LGSN: variants seen among roughly 807,000 people sequenced by gnomAD.
LGSN encodes the protein lengsin, lens protein with glutamine synthetase domain.
Under a neutral mutation model 19.5 loss-of-function variants are expected in LGSN, and 21 were observed. The observed-to-expected ratio is 1.07, with a 90% CI of 0.76 to 1.55. The LOEUF (loss-of-function observed/expected upper bound fraction) is 1.55, where lower values mean the gene tolerates loss of function less well. Among genes scored for constraint, LGSN ranks in the 40% most tolerant of loss-of-function variants. The pLI, the probability that LGSN is intolerant of heterozygous loss-of-function variation, is 0.00. For missense variants in LGSN, 673 were observed against 608.5 expected (o/e 1.11, Z -1.12); for synonymous variants, 257 against 215.6 (o/e 1.19, Z -1.68).
chr6:63,335,196 G>A, the LGSN span, among the ~76,000 whole-genome samples: 10 of 151,196 alleles, frequency 6.6e-5, no homozygotes, highest in Admixed American at 1.3e-4. Flanking sequence ...TTGATAGTTG[G>A]TGCTGGGAAA....
chr6:63,340,978 G>A, the LGSN span, among the ~76,000 whole-genome samples: 1 of 152,210 alleles, frequency 6.6e-6, no homozygotes, highest in African/African-American at 2.4e-5. Flanking sequence ...AGCATTGGTT[G>A]TGTAGTGTGC....
Position 63,280,810 on chromosome 6 carries a change from C to A in LGSN, c.741G>T (p.Leu247Phe). 6.2e-7 allele frequency: 1 copy of A among 1,614,006 alleles called. No individual in the cohort carries two copies. The highest frequency in any genetic ancestry group is 8.5e-7 in the Non-Finnish European group (1 of 1,179,946). Residue 247 changes from leucine to phenylalanine, a missense_variant, in exon 4 of 4, where the codon TTG becomes TTT. By Grantham distance (22) the Leu-to-Phe change is conservative. Coordinates refer to ENST00000370657, the MANE Select transcript of LGSN (RefSeq NM_016571.3). ...QPFMQELVDG[L>F]YHTGANVESF... ...TCTCGACATTGGCTCCAGTGTGATA[C>A]AAGCCATCAACAAGTTCCTGCATGA...
At chr6:63,347,794 CTAA>C in the LGSN span, among the ~76,000 whole-genome samples, 1 of 152,184 alleles carries the variant, frequency 6.6e-6, no homozygotes, top group African/African-American at 2.4e-5. Flanking sequence ...CTCACAATGA[CTAA>C]TGTTTCTGCA....
the LGSN span, among the ~76,000 whole-genome samples, chr6:63,402,818 A>G: frequency 6.6e-6 from 1 of 152,080 alleles, no homozygotes; most frequent in Non-Finnish European, 1.5e-5. Flanking sequence ...ATTAACATTT[A>G]AATAAGTAGA....
At chr6:63,558,872 G>C in the LGSN span, among the ~76,000 whole-genome samples, 1 of 152,210 alleles carries the variant, frequency 6.6e-6, no homozygotes, top group Non-Finnish European at 1.5e-5. Flanking sequence ...GATATGGAAT[G>C]AGTTGCCTCA....
At chr6:63,420,277 G>C in the LGSN span, among the ~76,000 whole-genome samples, 1 of 152,044 alleles carries the variant, frequency 6.6e-6, no homozygotes, top group Non-Finnish European at 1.5e-5. Flanking sequence ...GGCCCCCTGG[G>C]CCCATAAAAC....
At chr6:63,363,987 A>G in the LGSN span, among the ~76,000 whole-genome samples, 41 of 152,326 alleles carry the variant, frequency 2.7e-4, no homozygotes, top group African/African-American at 9.9e-4. Flanking sequence ...GCCAATTGTA[A>G]AGACCATCGA....
At chr6:63,412,439 AAAGC>A in the LGSN span, among the ~76,000 whole-genome samples, 306 of 134,564 alleles carry the variant, frequency 2.3e-3, 5 homozygotes, top group African/African-American at 6.9e-3. Context: ...AGAAAGAAAG[AAAGC>A]AAGAAAGAAA....
the LGSN span, among the ~76,000 whole-genome samples, chr6:63,504,302 T>C: frequency 6.6e-6 from 1 of 150,966 alleles, no homozygotes; most frequent in Non-Finnish European, 1.5e-5. Context: ...AGTGCAGTGG[T>C]GCAATCTCGG....
chr6:63,494,922 A>G, the LGSN span, among the ~76,000 whole-genome samples: 1 of 152,218 alleles, frequency 6.6e-6, no homozygotes, highest in Admixed American at 6.5e-5. Context: ...GACATTGGCT[A>G]ATATTTTCAG....
the LGSN span, among the ~76,000 whole-genome samples, chr6:63,359,641 C>T: frequency 1.2e-4 from 19 of 152,300 alleles, no homozygotes; most frequent in East Asian, 3.3e-3. Flanking sequence ...ATAGTATTCT[C>T]TGATGGTAGT....
the LGSN span, among the ~76,000 whole-genome samples, chr6:63,564,275 C>CAA: frequency 2.1e-5 from 2 of 95,644 alleles, no homozygotes; most frequent in Non-Finnish European, 4.6e-5. Flanking sequence ...GACTCTGTCT[C>CAA]AAAAAAAAAA....
At chr6:63,417,236 T>C in the LGSN span, among the ~76,000 whole-genome samples, 1 of 152,110 alleles carries the variant, frequency 6.6e-6, no homozygotes, top group Non-Finnish European at 1.5e-5. Flanking sequence ...AGCAATTCCT[T>C]TCCATGGCTG....
the LGSN span, among the ~76,000 whole-genome samples, chr6:63,340,566 A>AT: frequency 0.011 from 1,078 of 97,370 alleles, 4 homozygotes; most frequent in Non-Finnish European, 0.017. Flanking sequence ...TCTCCCTTGT[A>AT]TTTTTTTTTC....
the LGSN span, among the ~76,000 whole-genome samples, chr6:63,465,683 A>G: frequency 3.9e-5 from 6 of 152,204 alleles, no homozygotes; most frequent in African/African-American, 1.4e-4. Flanking sequence ...TTGTGTTACA[A>G]TGTATATACT....
chr6:63,512,532 G>A, the LGSN span, among the ~76,000 whole-genome samples: 1 of 152,082 alleles, frequency 6.6e-6, no homozygotes, highest in African/African-American at 2.4e-5. Flanking sequence ...TATTTTTCCT[G>A]AAGTCCCCAC....
chr6:63,546,660 C>T, the LGSN span, among the ~76,000 whole-genome samples: 1 of 151,638 alleles, frequency 6.6e-6, no homozygotes, highest in Non-Finnish European at 1.5e-5. Context: ...GAGCTGAGAT[C>T]GTGCCATTGT....
At chr6:63,339,780 A>G in the LGSN span, among the ~76,000 whole-genome samples, 2 of 151,948 alleles carry the variant, frequency 1.3e-5, no homozygotes, top group South Asian at 4.2e-4. Flanking sequence ...GTTTACTTTT[A>G]TGATTTGGTG....
chr6:63,331,537 G>A, the LGSN span, among the ~76,000 whole-genome samples: 2,951 of 152,164 alleles, frequency 0.019, 50 homozygotes, highest in Non-Finnish European at 0.029. Flanking sequence ...AAAACCGCCC[G>A]TGGTTTTGGT....
Sources: gnomAD v4.1 joint callset for allele counts (sites outside exome capture counted in the v4.1 genomes callset) on GRCh38, gnomAD v4.1.1 for gene constraint, MANE v1.5 for transcripts, NCBI Gene and HGNC (gene_info 2026-07-23, HGNC 2026-07-21) for gene names.